TNNC2: variants seen among roughly 807,000 people sequenced by gnomAD.
The protein encoded by TNNC2 is troponin C2, fast skeletal type.
TNNC2 carries 14 observed loss-of-function variants against 20.0 expected under a neutral mutation model. That is an observed-to-expected ratio of 0.70 (90% CI 0.46 to 1.09). TNNC2 has a LOEUF of 1.09. TNNC2 is among the 50% of genes least tolerant of loss of function. TNNC2 has a pLI of 0.00. For synonymous variants in TNNC2, 81 were observed against 77.3 expected (o/e 1.05, Z -0.25); for missense variants, 163 against 223.8 (o/e 0.73, Z 1.73).
upstream of TNNC2, among the ~76,000 whole-genome samples, chr20:45,830,335 C>CAAAA (rs781603612): frequency 1.3e-4 from 7 of 54,172 alleles, no homozygotes; most frequent in East Asian, 1.1e-3. Context: ...GACTGCATCT[C>CAAAA]AAAAAAAAAA....
upstream of TNNC2, among the ~76,000 whole-genome samples, chr20:45,831,240 C>T (rs890337830): frequency 4.6e-5 from 7 of 152,060 alleles, no homozygotes; most frequent in African/African-American, 1.7e-4. Flanking sequence ...GAGCTATGAT[C>T]GCACCCCTGC....
intron 1 of TNNC2, 111 bp downstream of exon 1, chr20:45,827,135 G>T: frequency 1.4e-6 from 2 of 1,447,460 alleles, no homozygotes; most frequent in South Asian, 1.2e-5. Flanking sequence ...GAACCTCCAT[G>T]CTCCAACCTC....
At chr20:45,830,428 T>A (rs1002032038), upstream of TNNC2, among the ~76,000 whole-genome samples, 1 of 149,336 alleles carries the variant, frequency 6.7e-6, no homozygotes, top group Non-Finnish European at 1.5e-5. Flanking sequence ...TGCCAGAAAC[T>A]CCCATCTTTC....
At chr20:45,830,034 A>T (rs574503804), upstream of TNNC2, among the ~76,000 whole-genome samples, 5 of 151,136 alleles carry the variant, frequency 3.3e-5, no homozygotes, top group East Asian at 9.9e-4. Context: ...CTCTGATCAG[A>T]CTTTAAAATA....
Position 45,823,872 on chromosome 20 carries a change from G to T in TNNC2, c.451+119C>A, listed in dbSNP as rs1217621835. On this transcript the variant is annotated intron_variant, in intron 5 of 5. Transcript: ENST00000372555. This position sits in a 1 kb window ranked among gnomAD's most constrained non-coding sequence, Gnocchi z 4.6. The stretch of plus-strand genomic sequence containing the variant: ...GCCCCCAGGAGACTATGGGGAACTT[G>T]GTGAAGTTACGCCCAGCCCAGCCCA... 8 of 1,509,258 alleles carry T rather than the reference G, an allele frequency of 5.3e-6. No homozygotes were observed. The highest frequency in any genetic ancestry group is 5.4e-6 in the Non-Finnish European group (6 of 1,116,756). 93.5% of individuals were successfully genotyped at this position (1,509,258 alleles called of 1,614,324 possible).
Position 45,823,520 on chromosome 20 carries a change from AGGTCTGT to A in TNNC2, c.452-148_452-142del, listed in dbSNP as rs1982865003. The A allele has an allele frequency of 1.3e-6, 1 of 772,090 alleles. No homozygotes were observed. Among genetic ancestry groups the A allele is most frequent in the Non-Finnish European group, 2.0e-6 (1 of 489,906 alleles). The allele number at this position is 772,090 out of a possible 1,614,324, so 47.8% of individuals were successfully genotyped here. On this transcript the variant is annotated intron_variant, in intron 5 of 5. Coordinates refer to ENST00000372555, the MANE Select transcript of TNNC2 (RefSeq NM_003279.3). The surrounding 1 kb of genome is among the most constrained non-coding windows in gnomAD (Gnocchi z 4.6). Reference sequence around the variant, plus strand: ...TCTCACTCTGTTGCCAAGGTCGCCAAGGTCTGTCACCCAGGCTAGAGTGCAGTGGCAC... The same window carrying A: ...TCTCACTCTGTTGCCAAGGTCGCCAACACCCAGGCTAGAGTGCAGTGGCAC...
At position 45,824,280 on chromosome 20, in the gene TNNC2, C is replaced by A; in HGVS notation, c.314+12G>T. The A allele has an allele frequency of 6.2e-7, 1 of 1,608,466 alleles. No individual in the cohort carries two copies. The highest frequency in any genetic ancestry group is 8.5e-7 in the Non-Finnish European group (1 of 1,179,228). ...CTAAGCCCCTCCCTCGGCTCCCGGG[C>A]CCCCAGCGCACCTGTCGAAGATGCG... On this transcript the variant is annotated intron_variant, in intron 4 of 5. Coordinates refer to ENST00000372555, the MANE Select transcript of TNNC2 (RefSeq NM_003279.3).
At chr20:45,833,109 A>C (rs1442025980) in intron 2 of TNNC2, 6 of 152,232 alleles carry the variant, frequency 3.9e-5, no homozygotes, top group African/African-American at 1.4e-4. Context: ...GTGCCACTGC[A>C]CTCCAGCCTA....
chr20:45,823,582 T>G lies in TNNC2; in HGVS notation c.452-203A>C, dbSNP rs149047943. On this transcript the variant is annotated intron_variant, in intron 5 of 5. Transcript: ENST00000372555. The surrounding 1 kb of genome is among the most constrained non-coding windows in gnomAD (Gnocchi z 4.6). ...ATAACTCATTGCAGCCTTGATCTCC[T>G]AGGCTCAAGCGATCCTCTTACCTCA... Among the ~76,000 whole-genome samples, 10 of 152,258 alleles carry G rather than the reference T, an allele frequency of 6.6e-5. No individual in the cohort carries two copies. The East Asian group carries it at 1.9e-3, about 29-fold the overall frequency.
In TNNC2 at chr20:45,823,891, C is replaced by T; in HGVS notation, c.451+100G>A. 1 of 1,569,370 alleles carries T rather than the reference C, an allele frequency of 6.4e-7. No individual in the cohort carries two copies. The highest frequency in any genetic ancestry group is 8.6e-7 in the Non-Finnish European group (1 of 1,156,366). ...GAACTTGGTGAAGTTACGCCCAGCCCAGCCCACAAGGCCAAGGACACTGCA... is the reference window on the plus strand; with the variant it reads ...GAACTTGGTGAAGTTACGCCCAGCCTAGCCCACAAGGCCAAGGACACTGCA... On this transcript the variant is annotated intron_variant, in intron 5 of 5. Coordinates refer to ENST00000372555, the MANE Select transcript of TNNC2 (RefSeq NM_003279.3). This position sits in a 1 kb window ranked among gnomAD's most constrained non-coding sequence, Gnocchi z 4.6.
intron 1 of TNNC2, among the ~76,000 whole-genome samples, chr20:45,826,737 A>G (rs928276144): frequency 6.6e-6 from 1 of 152,158 alleles, no homozygotes; most frequent in Non-Finnish European, 1.5e-5. Flanking sequence ...AGGAGAGCGG[A>G]GTCTCTCTAA....
At chr20:45,829,206 C>T (rs1239007825), upstream of TNNC2, among the ~76,000 whole-genome samples, 3 of 149,220 alleles carry the variant, frequency 2.0e-5, no homozygotes, top group Non-Finnish European at 3.0e-5. Context: ...CTCTTGTTGC[C>T]CAGGCTGGAG....
Position 45,823,818 on chromosome 20 carries a change from G to C in TNNC2, c.451+173C>G, listed in dbSNP as rs955116956. Among the ~76,000 whole-genome samples, 1 of 152,004 alleles carries C rather than the reference G, an allele frequency of 6.6e-6. No individual in the cohort carries two copies. Among genetic ancestry groups the C allele is most frequent in the Non-Finnish European group, 1.5e-5 (1 of 68,002 alleles). Reference sequence around the variant, plus strand: ...CTGCCTGGTCATTAATTGATAAACTGCACAGAGTCGTGGAGCGCTTCTATA... The same window carrying C: ...CTGCCTGGTCATTAATTGATAAACTCCACAGAGTCGTGGAGCGCTTCTATA... On this transcript the variant is annotated intron_variant, in intron 5 of 5. Coordinates refer to ENST00000372555, the MANE Select transcript of TNNC2 (RefSeq NM_003279.3). The surrounding 1 kb of genome is among the most constrained non-coding windows in gnomAD (Gnocchi z 4.6).
At position 45,823,400 on chromosome 20, in the gene TNNC2, A is replaced by G. The variant is rs1982860690; in HGVS notation, c.452-21T>C. ...GAACTCTGAGGGAAAGGAGAGGGAG[A>G]GGGTCAGGGGTCCCACTGGGGACGC... On this transcript the variant is annotated intron_variant, in intron 5 of 5. Transcript: ENST00000372555. This position sits in a 1 kb window ranked among gnomAD's most constrained non-coding sequence, Gnocchi z 4.6. The G allele has an allele frequency of 6.3e-7, 1 of 1,589,640 alleles. No individual in the cohort carries two copies. Among genetic ancestry groups the G allele is most frequent in the East Asian group, 2.3e-5 (1 of 44,042 alleles).
intron 2 of TNNC2, among the ~76,000 whole-genome samples, chr20:45,833,052 G>C (rs1421980126): frequency 6.6e-6 from 1 of 152,226 alleles, no homozygotes; most frequent in Non-Finnish European, 1.5e-5. Context: ...TGAGGTGGGA[G>C]GGATGACCTG....
upstream of TNNC2, chr20:45,827,323 G>C: frequency 6.2e-7 from 1 of 1,604,098 alleles, no homozygotes; most frequent in South Asian, 1.1e-5. Context: ...GACCTGGCCT[G>C]CTCTAGCCCC....
intron 1 of TNNC2, among the ~76,000 whole-genome samples, chr20:45,825,577 C>A (rs1357381982): frequency 1.3e-5 from 2 of 152,056 alleles, no homozygotes; most frequent in Admixed American, 1.3e-4. Flanking sequence ...CAGGCGTGAG[C>A]CACCATGCCC....
chr20:45,831,452 C>CTGTAATTCCAGCTACTTGGGATTACT (rs1020285195), upstream of TNNC2, among the ~76,000 whole-genome samples: 7 of 152,184 alleles, frequency 4.6e-5, no homozygotes, highest in East Asian at 1.9e-4. Context: ...TGGCACATGC[C>CTGTAATTCCAGCTACTTGGGATTACT]TGTAATTCCA....
At chr20:45,826,753 G>A (rs938338966) in intron 1 of TNNC2, among the ~76,000 whole-genome samples, 2 of 152,148 alleles carry the variant, frequency 1.3e-5, no homozygotes, top group Admixed American at 6.5e-5. Context: ...TCTAACTCTG[G>A]TCTGTCATCT....
Sources: gnomAD v4.1 joint callset for allele counts (sites outside exome capture counted in the v4.1 genomes callset) on GRCh38, gnomAD v4.1.1 for gene constraint, Gnocchi (gnomAD v3.1) non-coding constraint, MANE v1.5 for transcripts, NCBI Gene and HGNC (gene_info 2026-07-23, HGNC 2026-07-21) for gene names.